The following PTPN11 variants were observed in gnomAD, a reference collection of about 807,000 sequenced individuals.
PTPN11 encodes the protein tyrosine-protein phosphatase non-receptor type 11.
PTPN11 carries 6 observed loss-of-function variants against 78.8 expected under a neutral mutation model. The observed-to-expected ratio is 0.08, with a 90% CI of 0.04 to 0.15. The LOEUF (loss-of-function observed/expected upper bound fraction) is 0.15, where lower values mean the gene tolerates loss of function less well. Ranked by LOEUF, PTPN11 falls within the 10% of genes least tolerant of loss-of-function variation. PTPN11 has a pLI of 1.00. For synonymous variants in PTPN11, 221 were observed against 263.5 expected (o/e 0.84, Z 1.56); for missense variants, 386 against 744.8 (o/e 0.52, Z 5.61).
In PTPN11 at chr12:112,504,580, G is replaced by T. The variant is rs2038912617; in HGVS notation, c.1713-115G>T. The T allele has an allele frequency of 2.6e-6, 2 of 777,610 alleles. No individual in the cohort carries two copies. Among genetic ancestry groups the T allele is most frequent in the Admixed American group, 4.1e-5 (2 of 49,274 alleles). The allele number at this position is 777,610 out of a possible 1,614,324, so 48.2% of individuals were successfully genotyped here. A position where few individuals can be genotyped will look rare whatever the true frequency, so the allele number is the denominator to read the frequency against. ...GTCAGGTCCTAGGCACAGGAACTGT[G>T]TCTGTACCATATCTGGTGCCCAAAG... is the stretch of plus-strand genomic sequence containing the variant. On this transcript the variant is annotated intron_variant, in intron 14 of 15. Transcript: ENST00000351677. This position sits in a 1 kb window ranked among gnomAD's most constrained non-coding sequence, Gnocchi z 4.7.
At chr12:112,427,295 C>T (rs2037633063) in intron 1 of PTPN11, among the ~76,000 whole-genome samples, 1 of 151,040 alleles carries the variant, frequency 6.6e-6, no homozygotes. Context: ...ACCTGTAATC[C>T]CAGCACTTTG....
intron 6 of PTPN11, among the ~76,000 whole-genome samples, chr12:112,471,769 T>G (rs951971877): frequency 6.6e-6 from 1 of 151,842 alleles, no homozygotes; most frequent in South Asian, 2.1e-4. Flanking sequence ...TTTTTTTTTT[T>G]CGAGATGGAG....
At chr12:112,485,983 A>G (rs1254021006) in intron 10 of PTPN11, among the ~76,000 whole-genome samples, 4 of 119,828 alleles carry the variant, frequency 3.3e-5, no homozygotes, top group Non-Finnish European at 4.9e-5. Context: ...TCTGTCTTGG[A>G]AAAAAAAAAA....
At chr12:112,499,570 C>A (rs1344118868) in intron 13 of PTPN11, among the ~76,000 whole-genome samples, 1 of 152,018 alleles carries the variant, frequency 6.6e-6, no homozygotes, top group Non-Finnish European at 1.5e-5. Flanking sequence ...GAACTCCTAA[C>A]CTCAAGTGAC....
intron 4 of PTPN11, 64 bp downstream of exon 4, chr12:112,453,451 A>C: frequency 7.6e-7 from 1 of 1,316,228 alleles, no homozygotes; most frequent in South Asian, 1.2e-5. Context: ...TTCTGCTGAC[A>C]GAAGACAGAC....
chr12:112,465,793 C>G (rs2038317743), intron 6 of PTPN11, among the ~76,000 whole-genome samples: 1 of 152,184 alleles, frequency 6.6e-6, no homozygotes, highest in African/African-American at 2.4e-5. Context: ...GGATGCCATC[C>G]ATCTCTAGTC....
chr12:112,498,903 C>T (rs2038842088), intron 13 of PTPN11, among the ~76,000 whole-genome samples: 1 of 152,196 alleles, frequency 6.6e-6, no homozygotes, highest in South Asian at 2.1e-4. Flanking sequence ...CATTTTAATG[C>T]TTTTCCTTGG....
At chr12:112,491,407 A>G (rs1047280091) in intron 13 of PTPN11, among the ~76,000 whole-genome samples, 4 of 152,192 alleles carry the variant, frequency 2.6e-5, no homozygotes, top group Non-Finnish European at 5.9e-5. Context: ...TTAAAAATGT[A>G]AATTTTAAAA....
intron 1 of PTPN11, among the ~76,000 whole-genome samples, chr12:112,420,760 T>C (rs888805321): frequency 3.3e-5 from 5 of 152,164 alleles, no homozygotes; most frequent in African/African-American, 4.8e-5. Flanking sequence ...TCGTAGGAAG[T>C]GAGTGACTTG....
intron 1 of PTPN11, among the ~76,000 whole-genome samples, chr12:112,442,433 T>C (rs2037908114): frequency 6.6e-6 from 1 of 152,050 alleles, no homozygotes; most frequent in African/African-American, 2.4e-5. Flanking sequence ...GAGTGTTATG[T>C]GGGCACTTTT....
intron 2 of PTPN11, among the ~76,000 whole-genome samples, chr12:112,446,978 G>A (rs972177895): frequency 3.3e-5 from 5 of 152,032 alleles, no homozygotes; most frequent in Admixed American, 2.0e-4. Context: ...TGATCCTCCC[G>A]CCTCAGCCTC....
At chr12:112,475,253 A>G (rs568258731) in intron 7 of PTPN11, among the ~76,000 whole-genome samples, 3 of 152,234 alleles carry the variant, frequency 2.0e-5, no homozygotes, top group African/African-American at 7.2e-5. Flanking sequence ...ACTCTAATGC[A>G]TGGGGTTCTC....
chr12:112,419,173 C>T, intron 1 of PTPN11, 48 bp downstream of exon 1: 1 of 1,478,870 alleles, frequency 6.8e-7, no homozygotes, highest in Non-Finnish European at 8.9e-7. Flanking sequence ...CGGCCACCGC[C>T]GCGTTCGGTT....
intron 2 of PTPN11, among the ~76,000 whole-genome samples, chr12:112,446,619 G>A (rs1371677179): frequency 1.3e-5 from 2 of 152,164 alleles, no homozygotes; most frequent in East Asian, 1.9e-4. Flanking sequence ...GTGAGTTGGA[G>A]CAGGTCATAG....
rs138302899 is a variant in PTPN11 at position 112,438,615 on chromosome 12, G to C, written c.15-7661G>C. Among the ~76,000 whole-genome samples the C allele has an allele frequency of 2.6e-4, 40 of 152,132 alleles. No individual in the cohort carries two copies. The East Asian group carries it at 7.5e-3, about 29-fold the overall frequency. On this transcript the variant is annotated intron_variant, in intron 1 of 15. Coordinates refer to ENST00000351677, the MANE Select transcript of PTPN11 (RefSeq NM_002834.5). ...TCTCACCTCAGCCTCCCGAGTAGCT[G>C]AGACTGCAGGTGCATGCCACCATAC...
intron 13 of PTPN11, among the ~76,000 whole-genome samples, chr12:112,491,134 A>G (rs1442824334): frequency 6.6e-6 from 1 of 152,226 alleles, no homozygotes; most frequent in Non-Finnish European, 1.5e-5. Flanking sequence ...AAGGAAGAAT[A>G]TAAAATCAGA....
At chr12:112,477,381 G>A (rs946390924) in intron 7 of PTPN11, among the ~76,000 whole-genome samples, 46 of 152,244 alleles carry the variant, frequency 3.0e-4, no homozygotes, top group African/African-American at 1.0e-3. Context: ...GAATTTTCTT[G>A]TACCTTCTCT....
chr12:112,441,742 A>G (rs2037892849), intron 1 of PTPN11, among the ~76,000 whole-genome samples: 1 of 151,824 alleles, frequency 6.6e-6, no homozygotes, highest in Non-Finnish European at 1.5e-5. Context: ...AGTTACTGTT[A>G]CCATGAATCT....
At chr12:112,429,199 C>G (rs895505637) in intron 1 of PTPN11, among the ~76,000 whole-genome samples, 1 of 152,144 alleles carries the variant, frequency 6.6e-6, no homozygotes, top group African/African-American at 2.4e-5. Flanking sequence ...TGCATAACCT[C>G]CACCAATAAT....
Sources: gnomAD v4.1 joint callset for allele counts (sites outside exome capture counted in the v4.1 genomes callset) on GRCh38, gnomAD v4.1.1 for gene constraint, Gnocchi (gnomAD v3.1) non-coding constraint, MANE v1.5 for transcripts, NCBI Gene and HGNC (gene_info 2026-07-23, HGNC 2026-07-21) for gene names.